IRAG1: variants seen among roughly 807,000 people sequenced by gnomAD.
IRAG1 encodes the protein IP3R-associated cGMP kinase substrate.
A neutral mutation model predicts 106.2 loss-of-function variants in IRAG1; 62 were observed. That is an observed-to-expected ratio of 0.58 (90% CI 0.48 to 0.72). The LOEUF is 0.72. Ranked by LOEUF, IRAG1 falls within the 30% of genes least tolerant of loss-of-function variation. IRAG1 has a pLI of 0.00. For missense variants in IRAG1, 1,064 were observed against 1,140.7 expected (o/e 0.93, Z 0.97); for synonymous variants, 462 against 443.9 (o/e 1.04, Z -0.51).
chr11:10,655,491 G>C (rs1858846988), intron 1 of IRAG1, among the ~76,000 whole-genome samples: 1 of 152,216 alleles, frequency 6.6e-6, no homozygotes, highest in South Asian at 2.1e-4. Flanking sequence ...ATGAAGGCAA[G>C]GGACGACCTT....
chr11:10,663,471 A>G (rs560386010), intron 1 of IRAG1, among the ~76,000 whole-genome samples: 2 of 152,240 alleles, frequency 1.3e-5, no homozygotes, highest in South Asian at 4.2e-4. Flanking sequence ...TCATTCACCC[A>G]TTCTAGAAAA....
At chr11:10,582,679 G>GGT (rs1174444267) in intron 18 of IRAG1, among the ~76,000 whole-genome samples, 4 of 152,144 alleles carry the variant, frequency 2.6e-5, no homozygotes, top group African/African-American at 9.7e-5. Context: ...GAGAGGGTTG[G>GGT]GTGTGGTGGC....
chr11:10,656,785 C>T (rs185966948), intron 1 of IRAG1, among the ~76,000 whole-genome samples: 52 of 152,284 alleles, frequency 3.4e-4, no homozygotes, highest in Non-Finnish European at 6.8e-4. Flanking sequence ...GCTAGTCTGA[C>T]TCCTAGGCCC....
chr11:10,627,865 A>C, intron 7 of IRAG1, 105 bp from the exon 8 acceptor site: 1 of 1,577,982 alleles, frequency 6.3e-7, no homozygotes. Context: ...CATGCCCTCC[A>C]CCCAGCACCC....
intron 18 of IRAG1, among the ~76,000 whole-genome samples, chr11:10,588,700 C>T (rs1852307651): frequency 6.6e-6 from 1 of 152,136 alleles, no homozygotes; most frequent in African/African-American, 2.4e-5. Context: ...CCAGTTCCCC[C>T]AACCTTACAC....
chr11:10,591,018 G>C (rs777465708), intron 18 of IRAG1, among the ~76,000 whole-genome samples: 1 of 152,194 alleles, frequency 6.6e-6, no homozygotes, highest in African/African-American at 2.4e-5. Context: ...CTGGTGAAAG[G>C]CTTCTGGGTT....
intron 1 of IRAG1, among the ~76,000 whole-genome samples, chr11:10,689,764 C>A (rs1275406925): frequency 6.6e-6 from 1 of 151,920 alleles, no homozygotes; most frequent in African/African-American, 2.4e-5. Flanking sequence ...AAAAAGCAGA[C>A]TAAAAAATAG....
intron 8 of IRAG1, among the ~76,000 whole-genome samples, chr11:10,627,293 G>A (rs552004639): frequency 2.6e-5 from 4 of 152,214 alleles, no homozygotes; most frequent in African/African-American, 7.2e-5. Flanking sequence ...TGGGCCCCTC[G>A]ATGTGAGCAG....
intron 18 of IRAG1, among the ~76,000 whole-genome samples, chr11:10,586,782 GTATGTTTTAGA>G (rs199989398): frequency 0.012 from 1,786 of 152,258 alleles, 19 homozygotes; most frequent in South Asian, 0.026. Context: ...AGGCATTGAT[GTATGTTTTAGA>G]TACCTGCATA....
intron 1 of IRAG1, among the ~76,000 whole-genome samples, chr11:10,684,616 T>G (rs953447513): frequency 6.8e-6 from 1 of 146,514 alleles, no homozygotes; most frequent in Non-Finnish European, 1.5e-5. Flanking sequence ...ATAATAATAA[T>G]AATAATAATA....
chr11:10,580,914 T>A (rs1438440875), intron 19 of IRAG1, among the ~76,000 whole-genome samples: 1 of 152,254 alleles, frequency 6.6e-6, no homozygotes, highest in Non-Finnish European at 1.5e-5. Context: ...GTTCTCCATG[T>A]GACCGTGGAG....
intron 18 of IRAG1, among the ~76,000 whole-genome samples, chr11:10,582,650 A>G (rs1851511314): frequency 6.6e-6 from 1 of 152,216 alleles, no homozygotes; most frequent in Admixed American, 6.5e-5. Flanking sequence ...ATGAGAAGTC[A>G]GATGTATTAA....
chr11:10,631,629 CA>C (rs1256499237), intron 4 of IRAG1, among the ~76,000 whole-genome samples: 3 of 152,336 alleles, frequency 2.0e-5, no homozygotes, highest in African/African-American at 7.2e-5. Context: ...TGGGGATGAG[CA>C]GATGACCAGG....
chr11:10,652,286 T>G (rs1858589339), intron 1 of IRAG1, 104 bp from the exon 2 acceptor site: 2 of 1,545,722 alleles, frequency 1.3e-6, no homozygotes, highest in Non-Finnish European at 1.8e-6. Flanking sequence ...GGCTTGAGTT[T>G]GCATCAACAC....
intron 2 of IRAG1, among the ~76,000 whole-genome samples, chr11:10,639,451 C>T (rs1047638148): frequency 8.5e-5 from 13 of 152,320 alleles, no homozygotes; most frequent in African/African-American, 2.2e-4. Flanking sequence ...CCGTGATCCA[C>T]GTGGCGCAGA....
intron 15 of IRAG1, among the ~76,000 whole-genome samples, chr11:10,596,570 T>C (rs1393731426): frequency 6.6e-6 from 1 of 152,248 alleles, no homozygotes; most frequent in Non-Finnish European, 1.5e-5. Context: ...TTAGCCATTC[T>C]TTCTTGGCAT....
intron 15 of IRAG1, 147 bp downstream of exon 15, chr11:10,600,771 T>G: frequency 9.4e-7 from 1 of 1,060,082 alleles, no homozygotes; most frequent in Non-Finnish European, 1.3e-6. Context: ...AAGCAGCTGC[T>G]GGGAGGCCCC....
chr11:10,610,738 G>A (rs1371064330), intron 10 of IRAG1, among the ~76,000 whole-genome samples: 7 of 152,190 alleles, frequency 4.6e-5, no homozygotes, highest in Non-Finnish European at 7.3e-5. Context: ...ATTGATGTTT[G>A]TTATTCATGC....
chr11:10,663,792 T>A (rs1056658735), intron 1 of IRAG1, among the ~76,000 whole-genome samples: 9 of 152,196 alleles, frequency 5.9e-5, no homozygotes, highest in African/African-American at 2.2e-4. Context: ...TCACATGGCC[T>A]ACTACACACC....
Sources: allele counts gnomAD v4.1 joint callset (sites outside exome capture counted in the v4.1 genomes callset), GRCh38; gene constraint gnomAD v4.1.1; transcripts MANE v1.5; gene names NCBI Gene and HGNC (gene_info 2026-07-23, HGNC 2026-07-21).